Variants in MAN1A1 observed in about 807,000 individuals in gnomAD.
MAN1A1 encodes the protein mannosidase alpha class 1A member 1.
A neutral mutation model predicts 70.8 loss-of-function variants in MAN1A1; 29 were observed. The observed-to-expected ratio is 0.41, with a 90% CI of 0.31 to 0.56. The LOEUF (loss-of-function observed/expected upper bound fraction) is 0.56. Ranked by LOEUF, MAN1A1 falls within the 20% of genes least tolerant of loss-of-function variation. The probability of loss-of-function intolerance (pLI) is 0.29; values close to 1 mark genes in which losing one functional copy is unlikely to be tolerated. For synonymous variants in MAN1A1, 349 were observed against 330.1 expected (o/e 1.06, Z -0.62); for missense variants, 747 against 841.3 (o/e 0.89, Z 1.39).
chr6:119,319,173 G>A (rs769648337), intron 2 of MAN1A1, among the ~76,000 whole-genome samples: 7 of 151,864 alleles, frequency 4.6e-5, no homozygotes, highest in Non-Finnish European at 8.8e-5. Flanking sequence ...TTTAAGGCAA[G>A]CACTAACATC....
intron 6 of MAN1A1, among the ~76,000 whole-genome samples, chr6:119,224,820 G>T (rs986848683): frequency 2.6e-5 from 4 of 152,142 alleles, no homozygotes; most frequent in Non-Finnish European, 4.4e-5. Flanking sequence ...TAAACTTGAA[G>T]ATATCACTAA....
At chr6:119,224,862 C>T (rs1349923327) in intron 6 of MAN1A1, among the ~76,000 whole-genome samples, 1 of 152,192 alleles carries the variant, frequency 6.6e-6, no homozygotes, top group East Asian at 1.9e-4. Context: ...GGTGCAGTGG[C>T]TCATGCCTGT....
intron 4 of MAN1A1, 129 bp from the exon 5 acceptor site, chr6:119,290,892 G>T: frequency 1.7e-6 from 1 of 594,288 alleles, no homozygotes; most frequent in Non-Finnish European, 3.0e-6. Context: ...ATATACAGGG[G>T]GAAATGTTCT....
At chr6:119,340,239 G>A (rs1562248924) in intron 2 of MAN1A1, among the ~76,000 whole-genome samples, 1 of 152,172 alleles carries the variant, frequency 6.6e-6, no homozygotes, top group Non-Finnish European at 1.5e-5. Flanking sequence ...CCCCGACAGA[G>A]AGAGATACAG....
At chr6:119,241,930 A>ATG (rs1172587097) in intron 6 of MAN1A1, among the ~76,000 whole-genome samples, 1 of 137,538 alleles carries the variant, frequency 7.3e-6, no homozygotes, top group African/African-American at 2.9e-5. Context: ...GTGTTTGTGT[A>ATG]TGTGTGTGTG....
intron 7 of MAN1A1, among the ~76,000 whole-genome samples, chr6:119,204,142 G>A (rs1157369698): frequency 1.3e-5 from 2 of 152,188 alleles, no homozygotes; most frequent in African/African-American, 4.8e-5. Context: ...GGGCAAGGAA[G>A]ATGAAGGGGA....
At chr6:119,183,322 A>C (rs1391563489) in intron 11 of MAN1A1, among the ~76,000 whole-genome samples, 1 of 152,228 alleles carries the variant, frequency 6.6e-6, no homozygotes. Flanking sequence ...TGCTTCGATT[A>C]AATTCTAAGT....
At chr6:119,337,488 T>C (rs1323633338) in intron 2 of MAN1A1, among the ~76,000 whole-genome samples, 1 of 152,196 alleles carries the variant, frequency 6.6e-6, no homozygotes, top group East Asian at 1.9e-4. Flanking sequence ...AACTGATCTG[T>C]TGGACACATG....
intron 2 of MAN1A1, among the ~76,000 whole-genome samples, chr6:119,314,876 T>A (rs947774304): frequency 3.9e-5 from 6 of 152,080 alleles, no homozygotes; most frequent in African/African-American, 1.4e-4. Context: ...ACCTAACTTT[T>A]CTCCTCCTGC....
chr6:119,325,720 C>T (rs1773128815), intron 2 of MAN1A1, among the ~76,000 whole-genome samples: 1 of 151,960 alleles, frequency 6.6e-6, no homozygotes, highest in Non-Finnish European at 1.5e-5. Context: ...CCCTATTGAG[C>T]CCAGAATACG....
intron 5 of MAN1A1, among the ~76,000 whole-genome samples, chr6:119,280,307 C>T (rs1210312216): frequency 1.3e-5 from 2 of 152,242 alleles, no homozygotes; most frequent in Non-Finnish European, 2.9e-5. Flanking sequence ...AGCTCTGCTA[C>T]TTTGCATGTC....
intron 2 of MAN1A1, among the ~76,000 whole-genome samples, chr6:119,316,010 G>T (rs905461982): frequency 4.6e-5 from 7 of 152,106 alleles, no homozygotes; most frequent in African/African-American, 1.7e-4. Flanking sequence ...TAAGACCTCT[G>T]TGGTCAATGT....
intron 2 of MAN1A1, among the ~76,000 whole-genome samples, chr6:119,310,896 C>T (rs1772682185): frequency 6.6e-6 from 1 of 152,202 alleles, no homozygotes. Flanking sequence ...CCCTTTTCCT[C>T]TTTGCCTGCT....
chr6:119,215,945 T>C (rs545307278), intron 6 of MAN1A1, among the ~76,000 whole-genome samples: 1 of 152,282 alleles, frequency 6.6e-6, no homozygotes, highest in African/African-American at 2.4e-5. Context: ...AGCAGAGATC[T>C]TCAAGGTGAG....
chr6:119,238,846 A>T (rs1168814277), intron 6 of MAN1A1, among the ~76,000 whole-genome samples: 2 of 152,198 alleles, frequency 1.3e-5, no homozygotes, highest in Admixed American at 1.3e-4. Flanking sequence ...TAAAAGGGCA[A>T]CATGAGCATT....
intron 6 of MAN1A1, among the ~76,000 whole-genome samples, chr6:119,239,473 T>A (rs1254436247): frequency 6.6e-6 from 1 of 152,214 alleles, no homozygotes; most frequent in Non-Finnish European, 1.5e-5. Flanking sequence ...AGTTAATGTA[T>A]CCACTGAGAC....
intron 5 of MAN1A1, among the ~76,000 whole-genome samples, chr6:119,254,532 C>G (rs1775410236): frequency 6.6e-6 from 1 of 152,182 alleles, no homozygotes; most frequent in Admixed American, 6.5e-5. Context: ...GTTCACCAAT[C>G]TTGGTTTCTG....
At chr6:119,325,626 C>G (rs1773126019) in intron 2 of MAN1A1, among the ~76,000 whole-genome samples, 1 of 152,162 alleles carries the variant, frequency 6.6e-6, no homozygotes, top group Non-Finnish European at 1.5e-5. Flanking sequence ...CACTGCACCC[C>G]AACGTGACAG....
At chr6:119,251,332 T>C (rs1350384382) in intron 5 of MAN1A1, among the ~76,000 whole-genome samples, 2 of 152,228 alleles carry the variant, frequency 1.3e-5, no homozygotes, top group Non-Finnish European at 2.9e-5. Flanking sequence ...CCTTCAATTA[T>C]TTTCTGTCCA....
Sources: allele counts gnomAD v4.1 joint callset (sites outside exome capture counted in the v4.1 genomes callset), GRCh38; gene constraint gnomAD v4.1.1; transcripts MANE v1.5; gene names NCBI Gene and HGNC (gene_info 2026-07-23, HGNC 2026-07-21).